ZNF544: variants seen among roughly 807,000 people sequenced by gnomAD.
The protein encoded by ZNF544 is zinc finger protein AF020591.
A neutral mutation model predicts 13.5 loss-of-function variants in ZNF544; 10 were observed. The ratio of observed to expected loss-of-function variants is 0.74; its 90% CI spans 0.46 to 1.25. The LOEUF (loss-of-function observed/expected upper bound fraction) is 1.25. ZNF544 is among the 50% of genes most tolerant of loss of function. The probability of loss-of-function intolerance (pLI) is 0.00; values close to 1 mark genes in which losing one functional copy is unlikely to be tolerated. For missense variants in ZNF544, 896 were observed against 845.6 expected, an observed-to-expected ratio of 1.06 and a Z score of -0.74; for synonymous variants, 323 against 300.5, an observed-to-expected ratio of 1.07 and a Z score of -0.77.
intron 6 of ZNF544, among the ~76,000 whole-genome samples, chr19:58,276,586 G>C (rs1568519349): frequency 1.3e-5 from 2 of 152,186 alleles, no homozygotes; most frequent in Non-Finnish European, 2.9e-5. Flanking sequence ...TCCTGCCTCA[G>C]CCTCCTGAGT....
rs1388602677 is a variant in ZNF544 at position 58,273,580 on chromosome 19, T to G, written c.245-2743T>G. 2.7e-5 allele frequency among the ~76,000 whole-genome samples: 4 copies of G among 149,982 alleles called. No individual in the cohort carries two copies. The South Asian group carries it at 8.5e-4, about 32-fold the overall frequency. On this transcript the variant is annotated intron_variant, in intron 5 of 6. Transcript: ENST00000595981. ...TGGCGGGTGTCTGTAATCCCAGCTA[T>G]TTGGGAGGATGAGGCAGGAGAATCG...
At chr19:58,275,749 C>G (rs62114208) in intron 5 of ZNF544, among the ~76,000 whole-genome samples, 33,280 of 137,240 alleles carry the variant, frequency 0.24, 4,157 homozygotes, top group East Asian at 0.5. Context: ...CACACCACTG[C>G]TCTCCAGAGT....
intron 5 of ZNF544, among the ~76,000 whole-genome samples, chr19:58,269,240 G>A (rs768074961): frequency 6.6e-6 from 1 of 151,804 alleles, no homozygotes; most frequent in African/African-American, 2.4e-5. Context: ...TTTGAGACCA[G>A]CCTGGCCGAC....
intron 5 of ZNF544, among the ~76,000 whole-genome samples, chr19:58,272,737 C>T (rs572850467): frequency 2.0e-5 from 3 of 151,276 alleles, no homozygotes; most frequent in Non-Finnish European, 4.4e-5. Context: ...CGTGGTGGTG[C>T]GTGCCTGTAA....
chr19:58,232,636 A>T (rs1377465398), intron 3 of ZNF544, among the ~76,000 whole-genome samples: 1 of 151,904 alleles, frequency 6.6e-6, no homozygotes, highest in Non-Finnish European at 1.5e-5. Flanking sequence ...CATGCTAATA[A>T]AGACATATCC....
intron 6 of ZNF544, chr19:58,258,145 C>G (rs2047959952): frequency 6.6e-6 from 1 of 152,302 alleles, no homozygotes; most frequent in Non-Finnish European, 1.5e-5. Flanking sequence ...TTTCATGCTC[C>G]TAATGGAGAA....
intron 3 of ZNF544, chr19:58,231,627 A>C (rs2041246576): frequency 6.6e-6 from 1 of 152,216 alleles, no homozygotes; most frequent in African/African-American, 2.4e-5. Context: ...TCGAACTTCT[A>C]GCCTCAAGAG....
intron 5 of ZNF544, among the ~76,000 whole-genome samples, chr19:58,273,181 C>CAA (rs543937467): frequency 7.6e-6 from 1 of 130,780 alleles, no homozygotes. Flanking sequence ...AACTCTGTCT[C>CAA]AAAAAAAAAA....
intron 3 of ZNF544, among the ~76,000 whole-genome samples, chr19:58,232,652 G>A (rs368931947): frequency 2.6e-5 from 4 of 151,212 alleles, no homozygotes; most frequent in East Asian, 3.9e-4. Flanking sequence ...TATCCGGGCC[G>A]GGCGCGGTGG....
Position 58,256,128 on chromosome 19 carries a change from A to AAG in ZNF544, c.245-4713_245-4712dup, listed in dbSNP as rs113947005. Among the ~76,000 whole-genome samples the AAG allele has an allele frequency of 4.1e-3, 622 of 152,272 alleles. 6 individuals carry two copies. The highest frequency in any genetic ancestry group is 0.014 in the African/African-American group (565 of 41,550). ...AGGATCCGTAAGTTGGAAAGGGAAA[A>AAG]AGAGAGAGAGAAAAGGATTCCCCTA... On this transcript the variant is annotated intron_variant, in intron 6 of 6. Coordinates refer to ENST00000687789, the MANE Select transcript of ZNF544 (RefSeq NM_014480.4).
chr19:58,232,625 T>G (rs2041507250), intron 3 of ZNF544, among the ~76,000 whole-genome samples: 2 of 152,006 alleles, frequency 1.3e-5, no homozygotes, highest in Non-Finnish European at 1.5e-5. Context: ...TAGTCTGTTC[T>G]CATGCTAATA....
chr19:58,235,261 G>C (rs2042142022), intron 3 of ZNF544, among the ~76,000 whole-genome samples: 1 of 152,196 alleles, frequency 6.6e-6, no homozygotes, highest in African/African-American at 2.4e-5. Flanking sequence ...GTGAGAATTT[G>C]TATATGTAAA....
chr19:58,238,862 C>T (rs1392267335), intron 3 of ZNF544, among the ~76,000 whole-genome samples: 1 of 144,998 alleles, frequency 6.9e-6, no homozygotes, highest in Non-Finnish European at 1.5e-5. Flanking sequence ...CACTAAGTCA[C>T]GGTAAAAAAA....
Position 58,262,203 on chromosome 19 carries a change from T to C in ZNF544, c.1597T>C (p.Ser533Pro). 1 of 1,613,362 alleles carries C rather than the reference T, an allele frequency of 6.2e-7. No homozygotes were observed. Among genetic ancestry groups the C allele is most frequent in the Non-Finnish European group, 8.5e-7 (1 of 1,179,862 alleles). ...NLCGKSFSQS[S>P]KLITHQRIHT... ...GTGTGGGAAATCCTTCTCCCAGAGT[T>C]CCAAACTTATTACGCATCAGCGAAT... Residue 533 changes from serine to proline, a missense_variant, in exon 7 of 7, where the codon TCC (serine) becomes CCC (proline). Transcript: ENST00000687789.
intron 6 of ZNF544, among the ~76,000 whole-genome samples, chr19:58,247,923 T>A (rs972526162): frequency 1.3e-5 from 2 of 151,992 alleles, no homozygotes; most frequent in Admixed American, 1.3e-4. Flanking sequence ...GGCATCCTTT[T>A]TTTTTTTCCC....
intron 3 of ZNF544, among the ~76,000 whole-genome samples, chr19:58,235,442 C>T (rs778878044): frequency 2.0e-5 from 3 of 152,182 alleles, no homozygotes; most frequent in Non-Finnish European, 4.4e-5. Flanking sequence ...AAAATAGTAA[C>T]AGTGGCTGTC....
intron 5 of ZNF544, among the ~76,000 whole-genome samples, chr19:58,273,473 C>T (rs1433378008): frequency 6.6e-6 from 1 of 151,940 alleles, no homozygotes; most frequent in Non-Finnish European, 1.5e-5. Flanking sequence ...GGCGGATCAC[C>T]AGGTCAGGAG....
rs188535239 is a variant in ZNF544, at chr19:58,233,057, C to T, written c.-60+2595C>T. On this transcript the variant is annotated intron_variant, in intron 3 of 6. Transcript: ENST00000687789. ...AGCTGGGGAGGTCTCACAATCATGG[C>T]GGAAGGCGAAGGAGAAGCAAAGTCA... 1.9e-3 allele frequency among the ~76,000 whole-genome samples: 294 copies of T among 151,812 alleles called. 1 individual carries two copies. The highest frequency in any genetic ancestry group is 1.9e-3 in the East Asian group (10 of 5,162).
rs113343013 is a variant in ZNF544, at chr19:58,244,063, G to T, written c.33+7G>T. On this transcript the variant is annotated splice_region_variant and intron_variant, in intron 4 of 6. Transcript: ENST00000687789. Reference sequence around the variant, plus strand: ...TATGCTGGTTCCACCCCAGGTGAGTGGGGGGTCTTTGCTCTCAGTGCCTTG... The same window carrying T: ...TATGCTGGTTCCACCCCAGGTGAGTTGGGGGTCTTTGCTCTCAGTGCCTTG... The T allele has an allele frequency of 3.7e-6, 6 of 1,605,862 alleles. No homozygotes were observed. Among genetic ancestry groups the T allele is most frequent in the Non-Finnish European group, 4.3e-6 (5 of 1,175,812 alleles).
Sources: allele counts gnomAD v4.1 joint callset (sites outside exome capture counted in the v4.1 genomes callset), GRCh38; gene constraint gnomAD v4.1.1; transcripts MANE v1.5; gene names NCBI Gene and HGNC (gene_info 2026-07-23, HGNC 2026-07-21).